The following SLC35F4 variants were observed in gnomAD, a reference collection of about 807,000 sequenced individuals.
SLC35F4 encodes the protein chromosome 14 open reading frame 36.
Under a neutral mutation model 44.2 loss-of-function variants are expected in SLC35F4, and 24 were observed. The ratio of observed to expected loss-of-function variants is 0.54; its 90% CI spans 0.39 to 0.76. SLC35F4 has a LOEUF of 0.76. Among genes scored for constraint, SLC35F4 ranks in the 30% least tolerant of loss-of-function variants. The pLI is 0.00. For missense variants in SLC35F4, 562 were observed against 586.1 expected, an observed-to-expected ratio of 0.96 and a Z score of 0.42; for synonymous variants, 238 against 223.6, an observed-to-expected ratio of 1.06 and a Z score of -0.57.
intron 1 of SLC35F4, among the ~76,000 whole-genome samples, chr14:57,705,995 G>T (rs755221209): frequency 6.6e-6 from 1 of 152,108 alleles, no homozygotes; most frequent in Admixed American, 6.6e-5. Flanking sequence ...CCAAAAGAAG[G>T]CACCTTTAAC....
intron 1 of SLC35F4, among the ~76,000 whole-genome samples, chr14:57,791,274 A>T (rs576915918): frequency 6.6e-6 from 1 of 152,330 alleles, no homozygotes; most frequent in South Asian, 2.1e-4. Flanking sequence ...CAGGGAAGTT[A>T]AACAAATTTA....
At chr14:57,845,198 A>G (rs566410066) in intron 1 of SLC35F4, among the ~76,000 whole-genome samples, 183 of 152,284 alleles carry the variant, frequency 1.2e-3, no homozygotes, top group African/African-American at 3.8e-3. Context: ...AAATTTTATA[A>G]TTTTGACTGC....
At chr14:57,761,204 T>G (rs1249785959) in intron 1 of SLC35F4, among the ~76,000 whole-genome samples, 1 of 152,202 alleles carries the variant, frequency 6.6e-6, no homozygotes, top group African/African-American at 2.4e-5. Context: ...GCATATATTT[T>G]ATCCAATTTT....
intron 1 of SLC35F4, among the ~76,000 whole-genome samples, chr14:57,685,742 G>A (rs1276141364): frequency 1.3e-5 from 2 of 152,112 alleles, no homozygotes; most frequent in Non-Finnish European, 2.9e-5. Context: ...TAGGCTCTTT[G>A]CCCCAGAGAC....
intron 1 of SLC35F4, among the ~76,000 whole-genome samples, chr14:57,865,431 G>A (rs1476428849): frequency 6.6e-6 from 1 of 152,172 alleles, no homozygotes; most frequent in Non-Finnish European, 1.5e-5. Flanking sequence ...GCCGGCCAAC[G>A]GCGGTCAGGA....
chr14:57,589,623 A>C (rs1027078189), intron 2 of SLC35F4, 110 bp from the exon 3 acceptor site: 23 of 1,143,178 alleles, frequency 2.0e-5, no homozygotes, highest in Non-Finnish European at 2.8e-5. Flanking sequence ...AGACAGTAGA[A>C]TTACCAGTGT....
intron 1 of SLC35F4, among the ~76,000 whole-genome samples, chr14:57,621,826 T>A (rs570237132): frequency 6.8e-6 from 1 of 147,990 alleles, no homozygotes; most frequent in Non-Finnish European, 1.5e-5. Flanking sequence ...TGGGATCTAA[T>A]TAAACTAAAG....
At chr14:57,799,324 C>T (rs2140845658) in intron 1 of SLC35F4, 1 of 152,458 alleles carries the variant, frequency 6.6e-6, no homozygotes, top group African/African-American at 2.4e-5. Context: ...GAGCCCACGC[C>T]ACCAGGGCTT....
rs1354463469 is a variant in SLC35F4, at chr14:57,693,403, G to C, written c.104-99279C>G. Among the ~76,000 whole-genome samples, 3 of 152,024 alleles carry C rather than the reference G, an allele frequency of 2.0e-5. No individual in the cohort carries two copies. The East Asian group carries it at 5.8e-4, about 29-fold the overall frequency. ...TGACGCCCACACTGGAAGGTTGTGG[G>C]TTTACCGGAATGAGGGCAGGAACAC... On this transcript the variant is annotated intron_variant, in intron 1 of 7. Transcript: ENST00000556826.
At chr14:57,833,271 T>G (rs1358727731) in intron 1 of SLC35F4, among the ~76,000 whole-genome samples, 1 of 152,232 alleles carries the variant, frequency 6.6e-6, no homozygotes, top group Non-Finnish European at 1.5e-5. Flanking sequence ...TCCCTAGCTC[T>G]GCACATCCTG....
intron 1 of SLC35F4, among the ~76,000 whole-genome samples, chr14:57,939,159 A>G (rs778393851): frequency 6.6e-6 from 1 of 151,894 alleles, no homozygotes; most frequent in Non-Finnish European, 1.5e-5. Context: ...TGCTTTCCCA[A>G]GCTGCCCTGG....
intron 1 of SLC35F4, among the ~76,000 whole-genome samples, chr14:57,824,420 G>C (rs10145348): frequency 0.18 from 27,069 of 151,738 alleles, 3,398 homozygotes; most frequent in African/African-American, 0.36. Flanking sequence ...TAGATAGATA[G>C]ATACATACAT....
chr14:57,940,592 A>G (rs1157498960), intron 1 of SLC35F4, among the ~76,000 whole-genome samples: 1 of 152,182 alleles, frequency 6.6e-6, no homozygotes, highest in African/African-American at 2.4e-5. Flanking sequence ...TCATTCATTC[A>G]GCAGTGGAGT....
intron 1 of SLC35F4, among the ~76,000 whole-genome samples, chr14:57,660,509 A>T (rs1460005676): frequency 2.7e-5 from 4 of 147,406 alleles, no homozygotes; most frequent in African/African-American, 9.8e-5. Flanking sequence ...CCTGGTGTTC[A>T]TGCCCTTGTG....
chr14:57,584,013 C>A (rs897587139), intron 3 of SLC35F4, among the ~76,000 whole-genome samples: 1 of 152,032 alleles, frequency 6.6e-6, no homozygotes, highest in Admixed American at 6.6e-5. Flanking sequence ...AGTTGTTGAA[C>A]CCTGTCTATA....
chr14:57,591,130 C>A (rs1184740554), intron 2 of SLC35F4, among the ~76,000 whole-genome samples: 1 of 152,192 alleles, frequency 6.6e-6, no homozygotes, highest in Non-Finnish European at 1.5e-5. Context: ...TCAACCAAAT[C>A]TTATGGAGAC....
intron 1 of SLC35F4, among the ~76,000 whole-genome samples, chr14:57,646,126 T>C (rs1206292865): frequency 6.6e-6 from 1 of 152,224 alleles, no homozygotes; most frequent in Non-Finnish European, 1.5e-5. Flanking sequence ...ATCAGGATGA[T>C]GCTGGCCTCA....
intron 1 of SLC35F4, among the ~76,000 whole-genome samples, chr14:57,898,762 T>A (rs1005582229): frequency 6.6e-6 from 1 of 152,186 alleles, no homozygotes; most frequent in Non-Finnish European, 1.5e-5. Context: ...AAATATCCAG[T>A]TTTTTAATAC....
chr14:57,865,324 G>A (rs752207192), intron 1 of SLC35F4, among the ~76,000 whole-genome samples: 28 of 142,692 alleles, frequency 2.0e-4, no homozygotes, highest in Admixed American at 3.5e-4. Flanking sequence ...CGCCCCGCAC[G>A]CAGTAGGGGC....
Sources: gnomAD v4.1 joint callset for allele counts (sites outside exome capture counted in the v4.1 genomes callset) on GRCh38, gnomAD v4.1.1 for gene constraint, MANE v1.5 for transcripts, NCBI Gene and HGNC (gene_info 2026-07-23, HGNC 2026-07-21) for gene names.